DIAPH1: variants seen among roughly 807,000 people sequenced by gnomAD.
DIAPH1 encodes the protein protein diaphanous homolog 1.
A neutral mutation model predicts 140.7 loss-of-function variants in DIAPH1; 46 were observed. The ratio of observed to expected loss-of-function variants is 0.33; its 90% CI spans 0.26 to 0.42. The LOEUF (loss-of-function observed/expected upper bound fraction) is 0.42. Among genes scored for constraint, DIAPH1 ranks in the 10% least tolerant of loss-of-function variants. The probability of loss-of-function intolerance (pLI) is 1.00; values close to 1 mark genes in which losing one functional copy is unlikely to be tolerated. For missense variants in DIAPH1, 1,310 were observed against 1,558.7 expected (o/e 0.84, Z 2.69); for synonymous variants, 565 against 551.6 (o/e 1.02, Z -0.34).
At chr5:141,519,661 G>GAAGTAGCA (rs2099886218) in intron 27 of DIAPH1, among the ~76,000 whole-genome samples, 4 of 152,182 alleles carry the variant, frequency 2.6e-5, no homozygotes, top group African/African-American at 7.2e-5. Context: ...GAGTAGGTAG[G>GAAGTAGCA]GAGAAGATCA....
chr5:141,614,787 C>T (rs895132996), intron 1 of DIAPH1, among the ~76,000 whole-genome samples: 10 of 149,042 alleles, frequency 6.7e-5, no homozygotes, highest in African/African-American at 2.5e-4. Flanking sequence ...TCTTTCCAAA[C>T]TATATAATCC....
At chr5:141,615,573 C>T (rs924058203) in intron 1 of DIAPH1, among the ~76,000 whole-genome samples, 8 of 151,766 alleles carry the variant, frequency 5.3e-5, no homozygotes, top group Non-Finnish European at 7.4e-5. Flanking sequence ...AACCCCGTCT[C>T]TACTAAAAAT....
intron 7 of DIAPH1, 122 bp from the exon 8 acceptor site, chr5:141,581,005 C>T (rs186827529): frequency 1.0e-5 from 11 of 1,090,840 alleles, no homozygotes; most frequent in Non-Finnish European, 1.3e-5. Context: ...AAGTCCCAAC[C>T]CCCAGTACCT....
chr5:141,612,640 G>A (rs1404359390), intron 1 of DIAPH1, among the ~76,000 whole-genome samples: 1 of 152,210 alleles, frequency 6.6e-6, no homozygotes, highest in Non-Finnish European at 1.5e-5. Flanking sequence ...GGGAGGACGA[G>A]GATGGGTGAG....
intron 1 of DIAPH1, among the ~76,000 whole-genome samples, chr5:141,592,620 T>C (rs1267796901): frequency 6.6e-6 from 1 of 152,194 alleles, no homozygotes; most frequent in Non-Finnish European, 1.5e-5. Flanking sequence ...CTAATCATCC[T>C]ACCTACATCT....
At chr5:141,593,560 G>C (rs2099898824) in intron 1 of DIAPH1, among the ~76,000 whole-genome samples, 1 of 152,192 alleles carries the variant, frequency 6.6e-6, no homozygotes, top group Admixed American at 6.5e-5. Flanking sequence ...TCACTTCAGA[G>C]CTCCATTGTC....
intron 18 of DIAPH1, chr5:141,560,821 A>T: frequency 2.2e-6 from 1 of 456,306 alleles, no homozygotes; most frequent in East Asian, 7.0e-5. Context: ...AACAGATGGA[A>T]TAAACTCCCA....
rs371382652 is a variant in DIAPH1, at chr5:141,606,716, TA to T, written c.117+12081del. Among the ~76,000 whole-genome samples the T allele has an allele frequency of 7.7e-3, 1,166 of 152,276 alleles. 21 individuals carry two copies. The highest frequency in any genetic ancestry group is 0.027 in the African/African-American group (1,108 of 41,544). On this transcript the variant is annotated intron_variant, in intron 1 of 27. Transcript: ENST00000389054. ...TAGCCTTACACTATGTAAAATAACATAAGAGTTTTTTTTAATCCTACAGACA... is the reference window on the plus strand; with the variant it reads ...TAGCCTTACACTATGTAAAATAACATAGAGTTTTTTTTAATCCTACAGACA...
At chr5:141,527,210 C>A (rs1394764825) in intron 24 of DIAPH1, among the ~76,000 whole-genome samples, 2 of 152,046 alleles carry the variant, frequency 1.3e-5, no homozygotes, top group Non-Finnish European at 2.9e-5. Context: ...AGGAACTATG[C>A]AGCCTGGGCA....
rs527795813 is a variant in DIAPH1 at position 141,515,501 on chromosome 5, C to T, written c.*1350G>A. ...AGGAGGGCAAAAGTATCACCCTAAGCCAGAGAATTGCAGCTTCCTGTGGTT... is the reference window on the plus strand; with the variant it reads ...AGGAGGGCAAAAGTATCACCCTAAGTCAGAGAATTGCAGCTTCCTGTGGTT... On this transcript the variant is annotated 3_prime_UTR_variant, in exon 28 of 28. Coordinates refer to ENST00000389054, the MANE Select transcript of DIAPH1 (RefSeq NM_005219.5). The T allele has an allele frequency of 3.9e-5, 6 of 152,344 alleles. No individual in the cohort carries two copies. The highest frequency in any genetic ancestry group is 3.9e-4 in the Admixed American group (6 of 15,292). 9.4% of individuals were successfully genotyped at this position (152,344 alleles called of 1,614,324 possible).
chr5:141,583,384 T>G (rs2099897063), intron 5 of DIAPH1, 92 bp from the exon 6 acceptor site: 1 of 1,607,058 alleles, frequency 6.2e-7, no homozygotes, highest in African/African-American at 1.3e-5. Context: ...TACTCCCAAT[T>G]CAGACTATTC....
chr5:141,611,219 C>A (rs1357087676), intron 1 of DIAPH1, among the ~76,000 whole-genome samples: 1 of 152,032 alleles, frequency 6.6e-6, no homozygotes, highest in Non-Finnish European at 1.5e-5. Flanking sequence ...GCACTCCAGA[C>A]CAGGCAACAA....
chr5:141,573,629 G>A lies in DIAPH1; in HGVS notation c.2221C>T (p.Pro741Ser), dbSNP rs1163719978. 8 of 1,613,778 alleles carry A rather than the reference G, an allele frequency of 5.0e-6. No individual in the cohort carries two copies. Among genetic ancestry groups the A allele is most frequent in the Non-Finnish European group, 6.8e-6 (8 of 1,179,908 alleles). ...GGAGGCATACCCATTCCGGGTGGAG[G>A]TGGAGGAATGCCAGGGCCTCCGGGA... Reference protein sequence around the residue: ...PFPGGPGIPPPPPGMGMPPPP... With the variant: ...PFPGGPGIPPSPPGMGMPPPP... The change falls in exon 16 of 28, where the codon CCT (proline) becomes TCT (serine). Residue 741 changes from proline to serine, a missense_variant. Transcript: ENST00000389054.
Position 141,573,496 on chromosome 5 carries a change from G to A in DIAPH1, c.2354C>T (p.Ser785Phe), listed in dbSNP as rs532205362. 7 of 1,610,166 alleles carry A rather than the reference G, an allele frequency of 4.3e-6. No individual in the cohort carries two copies. The African/African-American group carries it at 9.4e-5, about 22-fold the overall frequency. ...PEVQLRRPNW[S>F]KLVAEDLSQD... ...GAAATAGACAGAAACTCTTACCTTG[G>A]ACCAGTTTGGCCTCCGGAGCTGCAC... Residue 785 changes from serine (S) to phenylalanine (F), a missense_variant, in exon 16 of 28, where the codon TCC (serine) becomes TTC (phenylalanine). Around this residue, in one of 3 missense-constraint regions of DIAPH1, gnomAD observed 589 missense variants for 549.3 expected, o/e 1.07. Transcript: ENST00000389054.
chr5:141,580,629 C>T, intron 8 of DIAPH1, 115 bp downstream of exon 8: 1 of 1,047,842 alleles, frequency 9.5e-7, no homozygotes, highest in South Asian at 1.3e-5. Context: ...GGAAGAAACA[C>T]AATCTTACCT....
Position 141,578,542 on chromosome 5 carries a change from C to T in DIAPH1, c.1017G>A (p.Met339Ile). Residue 339 changes from methionine to isoleucine, a missense_variant, in exon 10 of 28, where the codon ATG becomes ATA. By Grantham distance (10) the Met-to-Ile change is conservative (BLOSUM62 1). Transcript: ENST00000389054. ...DFRVHIRSELMRLGLHQVLQD... is the reference protein window; with the variant it reads ...DFRVHIRSELIRLGLHQVLQD... ...GCAACACCTGATGTAGCCCCAAACG[C>T]ATCAGTTCACTTCTGATGTGAACTC... The T allele has an allele frequency of 6.2e-7, 1 of 1,614,052 alleles. No homozygotes were observed. Among genetic ancestry groups the T allele is most frequent in the Non-Finnish European group, 8.5e-7 (1 of 1,179,960 alleles).
chr5:141,584,583 T>C (rs1437284657), intron 3 of DIAPH1, among the ~76,000 whole-genome samples: 1 of 152,160 alleles, frequency 6.6e-6, no homozygotes, highest in Non-Finnish European at 1.5e-5. Flanking sequence ...ACTGGATGAA[T>C]GGCATAATCT....
At chr5:141,592,728 T>C (rs1596397898) in intron 1 of DIAPH1, among the ~76,000 whole-genome samples, 1 of 152,226 alleles carries the variant, frequency 6.6e-6, no homozygotes, top group Non-Finnish European at 1.5e-5. Context: ...GGTAAATATC[T>C]CACTTCCTGG....
chr5:141,586,971 T>G, intron 3 of DIAPH1, 71 bp downstream of exon 3: 5 of 1,525,098 alleles, frequency 3.3e-6, no homozygotes, highest in Non-Finnish European at 4.5e-6. Flanking sequence ...TTGGGAATTA[T>G]GCACCAAAAA....
Sources: gnomAD v4.1 joint callset for allele counts (sites outside exome capture counted in the v4.1 genomes callset) on GRCh38, gnomAD v4.1.1 for gene constraint, gnomAD v4.1.1 regional missense constraint, MANE v1.5 for transcripts, NCBI Gene and HGNC (gene_info 2026-07-23, HGNC 2026-07-21) for gene names.